CAMK1D: variants seen among roughly 807,000 people sequenced by gnomAD.
The protein encoded by CAMK1D is calcium/calmodulin-dependent protein kinase type 1D.
Under a neutral mutation model 47.7 loss-of-function variants are expected in CAMK1D, and 9 were observed. The observed-to-expected ratio is 0.19, with a 90% CI of 0.11 to 0.33. The LOEUF is 0.33. Ranked by LOEUF, CAMK1D falls within the 10% of genes least tolerant of loss-of-function variation. CAMK1D has a pLI of 1.00. For missense variants in CAMK1D, 291 were observed against 488.7 expected, an observed-to-expected ratio of 0.60 and a Z score of 3.81; for synonymous variants, 184 against 184.9, an observed-to-expected ratio of 0.99 and a Z score of 0.04.
chr10:12,463,415 G>A (rs1833496378), intron 1 of CAMK1D, among the ~76,000 whole-genome samples: 3 of 152,132 alleles, frequency 2.0e-5, no homozygotes, highest in Admixed American at 1.3e-4. Flanking sequence ...TGGGATTACA[G>A]GTGTGAGCCA....
At chr10:12,541,842 T>TCTTCCTTCCTTCCTTCCTTC (rs150179810) in intron 1 of CAMK1D, among the ~76,000 whole-genome samples, 7,836 of 116,502 alleles carry the variant, frequency 0.067, 580 homozygotes, top group Non-Finnish European at 0.082. Context: ...CTGTGTTTTA[T>TCTTCCTTCCTTCCTTCCTTC]CTTCCTTCCT....
intron 3 of CAMK1D, among the ~76,000 whole-genome samples, chr10:12,678,518 A>G (rs1274317706): frequency 6.6e-6 from 1 of 152,194 alleles, no homozygotes. Context: ...CTCCAGTGTC[A>G]TGCAGGTCTT....
chr10:12,810,407 T>C (rs1832555534), intron 6 of CAMK1D, among the ~76,000 whole-genome samples: 1 of 151,862 alleles, frequency 6.6e-6, no homozygotes, highest in Non-Finnish European at 1.5e-5. Flanking sequence ...CCCGTGTAGC[T>C]GGGATTACAG....
Position 12,520,292 on chromosome 10 carries a change from A to G in CAMK1D, c.93-32933A>G, listed in dbSNP as rs1668992840. 3.8e-5 allele frequency among the ~76,000 whole-genome samples: 3 copies of G among 79,354 alleles called. 1 individual carries two copies. Among genetic ancestry groups the G allele is most frequent in the Admixed American group, 3.7e-4 (3 of 8,054 alleles). The allele number at this position is 79,354 out of a possible 152,430, so 52.1% of individuals were successfully genotyped here. On this transcript the variant is annotated intron_variant, in intron 1 of 10. Transcript: ENST00000619168. ...CAGAGGCGCTCCTCACATCCTAGAC[A>G]GGGCGGCGGGGCAGAGGCGCTCCCC...
At chr10:12,631,989 C>CACCACACCGTGCGTTAAGAGT (rs1839392908) in intron 2 of CAMK1D, among the ~76,000 whole-genome samples, 2 of 152,052 alleles carry the variant, frequency 1.3e-5, no homozygotes, top group Non-Finnish European at 2.9e-5. Context: ...GCGAATGAAC[C>CACCACACCGTGCGTTAAGAGT]GAGCTCTTAA....
intron 2 of CAMK1D, among the ~76,000 whole-genome samples, chr10:12,565,961 T>C (rs1837111475): frequency 6.6e-6 from 1 of 152,058 alleles, no homozygotes; most frequent in South Asian, 2.1e-4. Context: ...GCTTCTCAGC[T>C]ACTAGAAAGG....
chr10:12,667,977 A>G (rs376571770), intron 3 of CAMK1D, among the ~76,000 whole-genome samples: 2 of 152,336 alleles, frequency 1.3e-5, no homozygotes, highest in African/African-American at 4.8e-5. Context: ...TGGCAGTTCC[A>G]GGTGGTGACT....
chr10:12,520,038 C>G, intron 1 of CAMK1D, among the ~76,000 whole-genome samples: 1 of 81,146 alleles, frequency 1.2e-5, no homozygotes, highest in African/African-American at 4.9e-5. Context: ...CCCTCACCTC[C>G]CGGACGGGGC....
intron 6 of CAMK1D, among the ~76,000 whole-genome samples, chr10:12,805,662 G>A (rs1004986530): frequency 6.6e-6 from 1 of 152,230 alleles, no homozygotes; most frequent in East Asian, 1.9e-4. Flanking sequence ...GAGCCACCGC[G>A]CCTGGCCAAT....
intron 1 of CAMK1D, among the ~76,000 whole-genome samples, chr10:12,423,819 T>A (rs1232796550): frequency 6.6e-6 from 1 of 152,232 alleles, no homozygotes; most frequent in East Asian, 1.9e-4. Context: ...TTGGTTTCTG[T>A]GGTGCCAAAA....
intron 3 of CAMK1D, among the ~76,000 whole-genome samples, chr10:12,677,429 G>A (rs1400913443): frequency 6.6e-6 from 1 of 152,164 alleles, no homozygotes; most frequent in African/African-American, 2.4e-5. Context: ...GCATTGCGGG[G>A]GTGGGAAGGG....
chr10:12,416,155 GTT>G (rs889454426), intron 1 of CAMK1D, among the ~76,000 whole-genome samples: 1 of 147,426 alleles, frequency 6.8e-6, no homozygotes, highest in African/African-American at 2.5e-5. Context: ...TATTATTCTT[GTT>G]TTTTTTTTAG....
chr10:12,379,586 C>T (rs556266917), intron 1 of CAMK1D, among the ~76,000 whole-genome samples: 2 of 151,964 alleles, frequency 1.3e-5, no homozygotes, highest in Non-Finnish European at 2.9e-5. Context: ...AACCCTGTCT[C>T]TACTAAAAAT....
intron 2 of CAMK1D, among the ~76,000 whole-genome samples, chr10:12,568,872 G>A (rs74119205): frequency 0.018 from 2,755 of 152,294 alleles, 78 homozygotes; most frequent in African/African-American, 0.063. Flanking sequence ...TTTGGGAATA[G>A]TCACCACTGT....
chr10:12,463,262 T>G (rs1234014148), intron 1 of CAMK1D, among the ~76,000 whole-genome samples: 1 of 152,004 alleles, frequency 6.6e-6, no homozygotes, highest in Non-Finnish European at 1.5e-5. Context: ...TTCAGCTTCT[T>G]GAGTAGCTGA....
At chr10:12,743,770 C>G (rs1165453896) in intron 3 of CAMK1D, among the ~76,000 whole-genome samples, 1 of 152,230 alleles carries the variant, frequency 6.6e-6, no homozygotes, top group Non-Finnish European at 1.5e-5. Flanking sequence ...CGCCTGTAAT[C>G]TCAGCACTTT....
At chr10:12,645,892 T>G (rs1036690388) in intron 2 of CAMK1D, among the ~76,000 whole-genome samples, 1 of 152,164 alleles carries the variant, frequency 6.6e-6, no homozygotes, top group African/African-American at 2.4e-5. Flanking sequence ...TTCTCTTCTT[T>G]CACCGTGAGG....
At chr10:12,680,398 A>T (rs1413424271) in intron 3 of CAMK1D, among the ~76,000 whole-genome samples, 2 of 152,114 alleles carry the variant, frequency 1.3e-5, no homozygotes, top group African/African-American at 4.8e-5. Context: ...GTTTGTTTTA[A>T]ATAGGCCTAA....
intron 1 of CAMK1D, among the ~76,000 whole-genome samples, chr10:12,373,551 G>T (rs1838069927): frequency 6.6e-6 from 1 of 151,834 alleles, no homozygotes; most frequent in Non-Finnish European, 1.5e-5. Flanking sequence ...AGAATCGCTT[G>T]AACCTGGGAG....
Sources: allele counts gnomAD v4.1 joint callset (sites outside exome capture counted in the v4.1 genomes callset), GRCh38; gene constraint gnomAD v4.1.1; transcripts MANE v1.5; gene names NCBI Gene and HGNC (gene_info 2026-07-23, HGNC 2026-07-21).